Variants in CSMD1 observed in about 807,000 individuals in gnomAD.
CSMD1 encodes the protein CUB and Sushi multiple domains 1, also known as CUB and sushi domain-containing protein 1.
In CSMD1, 213 loss-of-function variants were observed where a neutral mutation model predicts 417.5. The observed-to-expected ratio is 0.51, with a 90% CI of 0.46 to 0.57. The LOEUF is 0.57. CSMD1 is among the 20% of genes least tolerant of loss of function. CSMD1 has a pLI of 0.00. For synonymous variants in CSMD1, 2,862 were observed against 1,736.8 expected, an observed-to-expected ratio of 1.65 and a Z score of -16.11; for missense variants, 6,923 against 4,529.7, an observed-to-expected ratio of 1.53 and a Z score of -15.17.
At chr8:3,839,874 G>T (rs1020828701) in intron 5 of CSMD1, among the ~76,000 whole-genome samples, 7 of 151,870 alleles carry the variant, frequency 4.6e-5, no homozygotes. Flanking sequence ...CAGTTTCTAA[G>T]GATCAGAACA....
At chr8:3,352,104 T>G (rs1187468638) in intron 21 of CSMD1, among the ~76,000 whole-genome samples, 6 of 152,176 alleles carry the variant, frequency 3.9e-5, no homozygotes, top group African/African-American at 1.4e-4. Context: ...TGAGTCCACT[T>G]GACACCGCAG....
intron 3 of CSMD1, among the ~76,000 whole-genome samples, chr8:4,224,452 C>T (rs1801225639): frequency 6.6e-6 from 1 of 152,074 alleles, no homozygotes; most frequent in Admixed American, 6.5e-5. Context: ...TTCTCAGAGG[C>T]CAGGTTGGGG....
chr8:4,140,470 T>G (rs1053359413), intron 3 of CSMD1, among the ~76,000 whole-genome samples: 6 of 149,868 alleles, frequency 4.0e-5, no homozygotes, highest in African/African-American at 1.5e-4. Context: ...TGCACTCCAG[T>G]ATAAGCAACA....
At chr8:3,368,188 C>A (rs1809725196) in intron 19 of CSMD1, among the ~76,000 whole-genome samples, 1 of 152,084 alleles carries the variant, frequency 6.6e-6, no homozygotes, top group Non-Finnish European at 1.5e-5. Context: ...TCCTTCAGGG[C>A]AAGTTCTTCT....
At chr8:3,774,393 A>G in intron 5 of CSMD1, among the ~76,000 whole-genome samples, 1 of 152,110 alleles carries the variant, frequency 6.6e-6, no homozygotes, top group Non-Finnish European at 1.5e-5. Context: ...TGCAAAACAC[A>G]AGTTTTTCAA....
chr8:3,136,942 A>T (rs1487388944), intron 41 of CSMD1, among the ~76,000 whole-genome samples: 1 of 152,194 alleles, frequency 6.6e-6, no homozygotes, highest in Non-Finnish European at 1.5e-5. Flanking sequence ...ATTTAAAAAC[A>T]TATTTTTTTT....
chr8:3,853,670 T>C (rs1426389803), intron 5 of CSMD1, among the ~76,000 whole-genome samples: 2 of 151,836 alleles, frequency 1.3e-5, no homozygotes, highest in Non-Finnish European at 2.9e-5. Flanking sequence ...TTCCCTAGTG[T>C]AGAAGGTGGC....
chr8:4,454,202 C>A (rs1438296394), intron 2 of CSMD1, among the ~76,000 whole-genome samples: 1 of 152,090 alleles, frequency 6.6e-6, no homozygotes, highest in Admixed American at 6.5e-5. Context: ...CATTAAAACT[C>A]CGTGTCTCCT....
chr8:3,437,969 G>A (rs1271263868), intron 12 of CSMD1, among the ~76,000 whole-genome samples: 2 of 151,994 alleles, frequency 1.3e-5, no homozygotes, highest in Admixed American at 6.6e-5. Flanking sequence ...TCGAACTGCT[G>A]ACCTCAGATG....
intron 10 of CSMD1, among the ~76,000 whole-genome samples, chr8:3,560,736 A>G (rs1799433946): frequency 6.6e-6 from 1 of 152,168 alleles, no homozygotes; most frequent in African/African-American, 2.4e-5. Context: ...CCTAATTATC[A>G]CTAGCAGCCT....
intron 5 of CSMD1, among the ~76,000 whole-genome samples, chr8:3,991,663 G>T (rs914949543): frequency 6.6e-6 from 1 of 152,170 alleles, no homozygotes; most frequent in East Asian, 1.9e-4. Context: ...CACTAAGGCA[G>T]AAGGTTGCTG....
intron 57 of CSMD1, among the ~76,000 whole-genome samples, chr8:2,967,499 G>A (rs893484533): frequency 6.7e-6 from 1 of 149,694 alleles, no homozygotes; most frequent in Non-Finnish European, 1.5e-5. Context: ...GCTGCCGCTG[G>A]GTACGTTTCA....
chr8:4,126,801 G>A (rs1224946344), intron 3 of CSMD1, among the ~76,000 whole-genome samples: 4 of 152,190 alleles, frequency 2.6e-5, no homozygotes, highest in Non-Finnish European at 4.4e-5. Context: ...TTCTGGAGAT[G>A]TGTCCTAACC....
At chr8:4,496,484 T>C (rs893894543) in intron 2 of CSMD1, among the ~76,000 whole-genome samples, 1 of 152,158 alleles carries the variant, frequency 6.6e-6, no homozygotes, top group Non-Finnish European at 1.5e-5. Flanking sequence ...GAATCTCCGT[T>C]TGCGGAACTT....
At chr8:4,626,301 C>CG (rs1423490058) in intron 2 of CSMD1, among the ~76,000 whole-genome samples, 3 of 151,946 alleles carry the variant, frequency 2.0e-5, no homozygotes, top group South Asian at 2.1e-4. Flanking sequence ...CTGTTCATTG[C>CG]GGGGGGCTGT....
chr8:3,535,268 T>C (rs951863918), intron 10 of CSMD1, among the ~76,000 whole-genome samples: 7 of 152,196 alleles, frequency 4.6e-5, no homozygotes, highest in Admixed American at 3.9e-4. Flanking sequence ...GGGAAGCTAA[T>C]GACAGACGAC....
intron 3 of CSMD1, among the ~76,000 whole-genome samples, chr8:4,408,655 A>G (rs1049279450): frequency 1.3e-5 from 2 of 152,294 alleles, no homozygotes; most frequent in East Asian, 3.9e-4. Context: ...AAGTTGATCA[A>G]TTAAATCAAT....
chr8:4,572,326 C>G (rs184170928), intron 2 of CSMD1, among the ~76,000 whole-genome samples: 1 of 152,088 alleles, frequency 6.6e-6, no homozygotes. Flanking sequence ...TGACAAAATC[C>G]CCCAGAATTT....
chr8:4,313,953 G>A (rs986239374), intron 3 of CSMD1, among the ~76,000 whole-genome samples: 1 of 151,906 alleles, frequency 6.6e-6, no homozygotes. Context: ...GGCAGAGGTT[G>A]CAGCGAGCCG....
Sources: allele counts gnomAD v4.1 joint callset (sites outside exome capture counted in the v4.1 genomes callset), GRCh38; gene constraint gnomAD v4.1.1; transcripts MANE v1.5; gene names NCBI Gene and HGNC (gene_info 2026-07-23, HGNC 2026-07-21).